Variants in MTHFD2L observed in about 807,000 individuals in gnomAD.
MTHFD2L encodes methylenetetrahydrofolate dehydrogenase (NADP+ dependent) 2 like, also known as bifunctional methylenetetrahydrofolate dehydrogenase/cyclohydrolase 2, mitochondrial.
A neutral mutation model predicts 34.9 loss-of-function variants in MTHFD2L; 29 were observed. The observed-to-expected ratio is 0.83, with a 90% CI of 0.62 to 1.13. The LOEUF (loss-of-function observed/expected upper bound fraction) is 1.13, where lower values mean the gene tolerates loss of function less well. MTHFD2L is among the 50% of genes most tolerant of loss of function. The probability of loss-of-function intolerance (pLI) is 0.00; values close to 1 mark genes in which losing one functional copy is unlikely to be tolerated. For missense variants in MTHFD2L, 481 were observed against 446.5 expected, an observed-to-expected ratio of 1.08 and a Z score of -0.70; for synonymous variants, 167 against 155.7, an observed-to-expected ratio of 1.07 and a Z score of -0.54.
chr4:74,159,823 G>A (rs1725018539), intron 1 of MTHFD2L, among the ~76,000 whole-genome samples: 1 of 152,220 alleles, frequency 6.6e-6, no homozygotes, highest in African/African-American at 2.4e-5. Context: ...TCCACTTGAT[G>A]CAGATTATAG....
chr4:74,140,441 T>G lies in MTHFD2L; in HGVS notation c.-297+14924T>G, dbSNP rs951322637. 4.4e-5 allele frequency: 19 copies of G among 432,890 alleles called. No individual in the cohort carries two copies. In the Admixed American group the frequency reaches 1.2e-3, roughly 28 times the overall value. The allele number at this position is 432,890 out of a possible 1,614,324, so 26.8% of individuals were successfully genotyped here. A position where few individuals can be genotyped will look rare whatever the true frequency, so the allele number is the denominator to read the frequency against. Reference sequence around the variant, plus strand: ...ATTAGTTTTAATTTTATGTAATTAATTAACTTAATCCACACAAATACTCCT... The same window carrying G: ...ATTAGTTTTAATTTTATGTAATTAAGTAACTTAATCCACACAAATACTCCT... On this transcript the variant is annotated intron_variant, in intron 1 of 7. Transcript: ENST00000433372.
chr4:74,114,713 T>C (rs1230946801), intron 2 of MTHFD2L: 1 of 152,128 alleles, frequency 6.6e-6, no homozygotes, highest in Admixed American at 6.5e-5. Context: ...AGCTCCAAAC[T>C]CTCTCACAAA....
At chr4:74,261,429 G>A (rs1258703425) in intron 6 of MTHFD2L, among the ~76,000 whole-genome samples, 2 of 151,874 alleles carry the variant, frequency 1.3e-5, no homozygotes, top group Non-Finnish European at 2.9e-5. Context: ...ACAGAAACAA[G>A]AATATAGAAA....
chr4:74,289,678 C>T (rs921430856), intron 7 of MTHFD2L, among the ~76,000 whole-genome samples: 11 of 151,862 alleles, frequency 7.2e-5, no homozygotes, highest in South Asian at 2.1e-4. Flanking sequence ...ACTGATGGGG[C>T]GTGGACCAGG....
intron 7 of MTHFD2L, among the ~76,000 whole-genome samples, chr4:74,297,679 T>C (rs972560167): frequency 6.6e-6 from 1 of 152,084 alleles, no homozygotes; most frequent in African/African-American, 2.4e-5. Context: ...TGAGAGGTTA[T>C]TCTGGTGATG....
intron 4 of MTHFD2L, among the ~76,000 whole-genome samples, chr4:74,201,023 A>C (rs1347488393): frequency 6.6e-6 from 1 of 152,236 alleles, no homozygotes; most frequent in Non-Finnish European, 1.5e-5. Context: ...AAAGCAACTT[A>C]ATGTCAACTT....
upstream of MTHFD2L, among the ~76,000 whole-genome samples, chr4:74,119,712 G>A (rs1275881655): frequency 6.6e-6 from 1 of 152,128 alleles, no homozygotes; most frequent in African/African-American, 2.4e-5. Context: ...GAACCTGAGA[G>A]GCAGAGCTTC....
At chr4:74,300,931 T>TC (rs1324962666) in intron 7 of MTHFD2L, among the ~76,000 whole-genome samples, 9 of 152,102 alleles carry the variant, frequency 5.9e-5, no homozygotes, top group African/African-American at 2.2e-4. Context: ...TATTGGTTGA[T>TC]CATGGTTGTT....
At chr4:74,145,366 G>T (rs911270956) in intron 1 of MTHFD2L, among the ~76,000 whole-genome samples, 1 of 152,132 alleles carries the variant, frequency 6.6e-6, no homozygotes, top group Non-Finnish European at 1.5e-5. Context: ...ATGTGCATAA[G>T]TTCTATGCAA....
At chr4:74,275,007 T>C (rs1482461744) in intron 6 of MTHFD2L, among the ~76,000 whole-genome samples, 2 of 152,184 alleles carry the variant, frequency 1.3e-5, no homozygotes, top group Non-Finnish European at 2.9e-5. Context: ...GTTTATTACA[T>C]AGGTATCCGT....
chr4:74,247,585 T>A (rs1742662898), intron 6 of MTHFD2L, among the ~76,000 whole-genome samples: 3 of 152,220 alleles, frequency 2.0e-5, no homozygotes, highest in Non-Finnish European at 4.4e-5. Context: ...CTTCCAGGTT[T>A]TGCCCATTCA....
chr4:74,192,178 C>T (rs1054400495), intron 3 of MTHFD2L, among the ~76,000 whole-genome samples: 6 of 151,934 alleles, frequency 3.9e-5, no homozygotes, highest in Non-Finnish European at 5.9e-5. Context: ...GATATGCTAT[C>T]GGAAAAAGGA....
At chr4:74,164,033 G>A (rs994168581) in intron 1 of MTHFD2L, among the ~76,000 whole-genome samples, 2 of 152,004 alleles carry the variant, frequency 1.3e-5, no homozygotes, top group Non-Finnish European at 2.9e-5. Context: ...CCGCCACCAC[G>A]CCCGGCTAAT....
chr4:74,251,842 T>A (rs982174901), intron 6 of MTHFD2L, among the ~76,000 whole-genome samples: 11 of 152,204 alleles, frequency 7.2e-5, no homozygotes, highest in African/African-American at 2.7e-4. Flanking sequence ...AAACTATTTT[T>A]AAAATTAATC....
chr4:74,151,699 AAAAAACTGAGAT>A (rs1723950234), intron 1 of MTHFD2L, among the ~76,000 whole-genome samples: 1 of 152,230 alleles, frequency 6.6e-6, no homozygotes, highest in Admixed American at 6.5e-5. Flanking sequence ...CCATTTGACT[AAAAAACTGAGAT>A]ATTTTATTGG....
intron 3 of MTHFD2L, among the ~76,000 whole-genome samples, chr4:74,181,519 G>A (rs1730168635): frequency 6.6e-6 from 1 of 152,144 alleles, no homozygotes; most frequent in Non-Finnish European, 1.5e-5. Context: ...ACCAAGTGTA[G>A]CATCCTTCGT....
intron 6 of MTHFD2L, among the ~76,000 whole-genome samples, chr4:74,268,420 G>A (rs1025501776): frequency 2.0e-5 from 3 of 151,728 alleles, no homozygotes; most frequent in Non-Finnish European, 2.9e-5. Flanking sequence ...TAGAGTTCTG[G>A]TTTTGTTCCC....
chr4:74,172,773 C>A (rs773437974), intron 1 of MTHFD2L, among the ~76,000 whole-genome samples: 3 of 152,132 alleles, frequency 2.0e-5, no homozygotes, highest in Non-Finnish European at 4.4e-5. Context: ...TGCTTCTTAG[C>A]AGAACATTGT....
chr4:74,260,969 C>T (rs1744614474), intron 6 of MTHFD2L, among the ~76,000 whole-genome samples: 1 of 149,272 alleles, frequency 6.7e-6, no homozygotes, highest in Non-Finnish European at 1.5e-5. Context: ...ATATTTGGTG[C>T]TTTAAAAAAA....
Sources: allele counts gnomAD v4.1 joint callset (sites outside exome capture counted in the v4.1 genomes callset), GRCh38; gene constraint gnomAD v4.1.1; transcripts MANE v1.5; gene names NCBI Gene and HGNC (gene_info 2026-07-23, HGNC 2026-07-21).